ST6GALNAC2: variants seen among roughly 807,000 people sequenced by gnomAD.
ST6GALNAC2 encodes the protein alpha-N-acetylgalactosaminide alpha-2,6-sialyltransferase 2.
In ST6GALNAC2, 42 loss-of-function variants were observed where a neutral mutation model predicts 38.7. That is an observed-to-expected ratio of 1.09 (90% CI 0.85 to 1.40). ST6GALNAC2 has a LOEUF of 1.40. Ranked by LOEUF, ST6GALNAC2 falls within the 40% of genes most tolerant of loss-of-function variation. The probability of loss-of-function intolerance (pLI) is 0.00; values close to 1 mark genes in which losing one functional copy is unlikely to be tolerated. For synonymous variants in ST6GALNAC2, 233 were observed against 209.0 expected (o/e 1.11, Z -0.99); for missense variants, 506 against 481.7 (o/e 1.05, Z -0.47).
chr17:76,575,868 G>A (rs1375065543), intron 2 of ST6GALNAC2, among the ~76,000 whole-genome samples: 1 of 152,230 alleles, frequency 6.6e-6, no homozygotes, highest in African/African-American at 2.4e-5. Flanking sequence ...GACAAAGCAG[G>A]AAATAGCTGT....
chr17:76,571,635 T>C lies in ST6GALNAC2; in HGVS notation c.670-967A>G, dbSNP rs11654674. ...CTAAAGCTGCTCTATTTTGTTCCAC[T>C]TCACAGAAGAGAGGTTCTAGTGTGA... On this transcript the variant is annotated intron_variant, in intron 5 of 8. Coordinates refer to ENST00000225276, the MANE Select transcript of ST6GALNAC2 (RefSeq NM_006456.3). Among the ~76,000 whole-genome samples the C allele has an allele frequency of 2.1e-3, 325 of 152,326 alleles. 1 individual carries two copies. Among genetic ancestry groups the C allele is most frequent in the Admixed American group, 7.1e-3 (109 of 15,298 alleles).
At chr17:76,569,774 G>GC in intron 6 of ST6GALNAC2, 1 of 325,636 alleles carries the variant, frequency 3.1e-6, no homozygotes, top group Non-Finnish European at 5.6e-6. Flanking sequence ...CACCAAGCGG[G>GC]GGTGGGGTGG....
intron 5 of ST6GALNAC2, among the ~76,000 whole-genome samples, chr17:76,571,896 C>T (rs2075357325): frequency 1.3e-5 from 2 of 152,180 alleles, no homozygotes; most frequent in Admixed American, 6.5e-5. Context: ...GATGCTAGCT[C>T]GCATGCAGTG....
Position 76,585,789 on chromosome 17 carries a change from G to T in ST6GALNAC2, c.20C>A (p.Ser7Ter). The T allele has an allele frequency of 6.4e-7, 1 of 1,552,758 alleles. No individual in the cohort carries two copies. The highest frequency in any genetic ancestry group is 8.7e-7 in the Non-Finnish European group (1 of 1,151,492). The change falls in exon 1 of 9, where the codon TCG (serine) becomes TAG (stop). Residue 7 changes from serine to a stop codon, truncating the protein, a stop_gained. Transcript: ENST00000225276. LOFTEE classifies it high-confidence loss of function. MGLPRG[S>*]FFWLLLLLTA... is the part of the protein sequence containing the mutation. Reference sequence around the variant, plus strand: ...GAGCAGGAGCAGCAGCCAGAAGAACGACCCGCGCGGGAGCCCCATACAGCC... The same window carrying T: ...GAGCAGGAGCAGCAGCCAGAAGAACTACCCGCGCGGGAGCCCCATACAGCC...
At chr17:76,584,029 CAGG>C in intron 1 of ST6GALNAC2, among the ~76,000 whole-genome samples, 1 of 9,944 alleles carries the variant, frequency 1.0e-4, no homozygotes, top group South Asian at 3.7e-3. Context: ...AGGTGAAAGC[CAGG>C]TCAGGAGGAT....
In ST6GALNAC2 at chr17:76,573,467, C is replaced by T; in HGVS notation, c.362-104G>A. On this transcript the variant is annotated intron_variant, in intron 3 of 8. Coordinates refer to ENST00000225276, the MANE Select transcript of ST6GALNAC2 (RefSeq NM_006456.3). The surrounding 1 kb of genome is among the most constrained non-coding windows in gnomAD (Gnocchi z 5.1). Reference sequence around the variant, plus strand: ...TGCCCCATCTCCCCTGAGGCCTGACCCTAGCCCCTCCCAAGAAGCACAGAG... The same window carrying T: ...TGCCCCATCTCCCCTGAGGCCTGACTCTAGCCCCTCCCAAGAAGCACAGAG... The T allele has an allele frequency of 2.7e-6, 3 of 1,127,490 alleles. No homozygotes were observed. Among genetic ancestry groups the T allele is most frequent in the Non-Finnish European group, 2.4e-6 (2 of 837,158 alleles). 69.8% of individuals were successfully genotyped at this position (1,127,490 alleles called of 1,614,324 possible).
intron 6 of ST6GALNAC2, chr17:76,569,023 G>C (rs1451208202): frequency 2.7e-6 from 1 of 373,752 alleles, no homozygotes; most frequent in Non-Finnish European, 4.8e-6. Flanking sequence ...GTAGGAGAGA[G>C]AGGAGGGGGG....
At chr17:76,574,240 G>T in intron 3 of ST6GALNAC2, 125 bp downstream of exon 3, 3 of 1,139,496 alleles carry the variant, frequency 2.6e-6, no homozygotes, top group Non-Finnish European at 3.7e-6. Flanking sequence ...CTTCTGGGAG[G>T]AGAGAGGGGG....
At chr17:76,583,321 A>T (rs1338181376) in intron 1 of ST6GALNAC2, among the ~76,000 whole-genome samples, 2 of 136,242 alleles carry the variant, frequency 1.5e-5, no homozygotes, top group East Asian at 4.7e-4. Context: ...GCTTGCAGTG[A>T]GCCGAGATGG....
intron 2 of ST6GALNAC2, among the ~76,000 whole-genome samples, chr17:76,575,280 C>T (rs1347802580): frequency 4.6e-5 from 7 of 152,064 alleles, no homozygotes; most frequent in African/African-American, 9.7e-5. Context: ...CAGGAAGATC[C>T]GTGATAGTCT....
chr17:76,581,838 A>G (rs2075479040), intron 1 of ST6GALNAC2, among the ~76,000 whole-genome samples: 1 of 151,960 alleles, frequency 6.6e-6, no homozygotes, highest in African/African-American at 2.4e-5. Flanking sequence ...AATTTTACTC[A>G]CAACTTAGAT....
At chr17:76,584,876 C>T (rs2075525373) in intron 1 of ST6GALNAC2, among the ~76,000 whole-genome samples, 1 of 152,258 alleles carries the variant, frequency 6.6e-6, no homozygotes, top group East Asian at 1.9e-4. Context: ...CCCTTCCCTC[C>T]TCCCAAACCC....
chr17:76,576,266 G>A (rs1454269392), intron 2 of ST6GALNAC2, among the ~76,000 whole-genome samples: 1 of 151,994 alleles, frequency 6.6e-6, no homozygotes, highest in Admixed American at 6.6e-5. Flanking sequence ...AACAACAATA[G>A]CAAAACGAAA....
At position 76,573,161 on chromosome 17, in the gene ST6GALNAC2, C is replaced by CCA; in HGVS notation, c.530+33_530+34insTG. On this transcript the variant is annotated intron_variant, in intron 4 of 8. Transcript: ENST00000225276. This position sits in a 1 kb window ranked among gnomAD's most constrained non-coding sequence, Gnocchi z 5.1. ...CACCCCCACCCTCCAGGCAACTCTCCCTCCCGCCCCTCCCCAGCTCCTACC... is the reference window on the plus strand; with the variant it reads ...CACCCCCACCCTCCAGGCAACTCTCCCACTCCCGCCCCTCCCCAGCTCCTACC... 2 of 1,551,482 alleles carry CCA rather than the reference C, an allele frequency of 1.3e-6. No individual in the cohort carries two copies. Among genetic ancestry groups the CCA allele is most frequent in the Non-Finnish European group, 1.8e-6 (2 of 1,137,908 alleles).
chr17:76,570,494 C>G, intron 6 of ST6GALNAC2, 71 bp downstream of exon 6: 1 of 1,117,954 alleles, frequency 8.9e-7, no homozygotes, highest in Non-Finnish European at 1.3e-6. Flanking sequence ...GCCCTGGGAG[C>G]AAAAAGGAGA....
chr17:76,568,774 C>G lies in ST6GALNAC2; in HGVS notation c.796G>C (p.Glu266Gln), dbSNP rs1005600926. Reference sequence around the variant, plus strand: ...AGCTTGAATTTACTGGCAGAGGCTTCTGGTCCAAAATAGGCGTGCGGCCTA... The same window carrying G: ...AGCTTGAATTTACTGGCAGAGGCTTGTGGTCCAAAATAGGCGTGCGGCCTA... Reference protein sequence around the residue: ...GDRPHAYFGPEASASKFKLLH... With the variant: ...GDRPHAYFGPQASASKFKLLH... The change falls in exon 7 of 9, where the codon GAA becomes CAA. Residue 266 changes from glutamate (E) to glutamine (Q), a missense_variant. Glu to Gln is a conservative substitution (Grantham distance 29). Coordinates refer to ENST00000225276, the MANE Select transcript of ST6GALNAC2 (RefSeq NM_006456.3). 10 of 1,613,406 alleles carry G rather than the reference C, an allele frequency of 6.2e-6. No individual in the cohort carries two copies. The African/African-American group carries it at 1.2e-4, about 19-fold the overall frequency.
At chr17:76,579,211 G>A (rs1047954870) in intron 1 of ST6GALNAC2, among the ~76,000 whole-genome samples, 4 of 152,214 alleles carry the variant, frequency 2.6e-5, no homozygotes, top group Non-Finnish European at 5.9e-5. Context: ...AAGCCACTGC[G>A]CCCAGCTCTG....
chr17:76,582,344 T>C (rs1267996532), intron 1 of ST6GALNAC2, among the ~76,000 whole-genome samples: 3 of 146,836 alleles, frequency 2.0e-5, no homozygotes, highest in Admixed American at 2.0e-4. Context: ...GGCTATTTTT[T>C]TTTTTTTTGG....
chr17:76,581,898 G>A (rs1051219940), intron 1 of ST6GALNAC2, among the ~76,000 whole-genome samples: 8 of 151,566 alleles, frequency 5.3e-5, no homozygotes, highest in Admixed American at 2.0e-4. Flanking sequence ...ATGGAGTCTC[G>A]CTCTGTCACC....
Sources: allele counts gnomAD v4.1 joint callset (sites outside exome capture counted in the v4.1 genomes callset), GRCh38; gene constraint gnomAD v4.1.1; non-coding constraint Gnocchi (gnomAD v3.1); transcripts MANE v1.5; gene names NCBI Gene and HGNC (gene_info 2026-07-23, HGNC 2026-07-21).